Variants in DPH1 observed in about 807,000 individuals in gnomAD.
DPH1 encodes 2-(3-amino-3-carboxypropyl)histidine synthase subunit 1.
Under a neutral mutation model 55.3 loss-of-function variants are expected in DPH1, and 59 were observed. The ratio of observed to expected loss-of-function variants is 1.07; its 90% confidence interval spans 0.87 to 1.33. The LOEUF (loss-of-function observed/expected upper bound fraction) is 1.33. DPH1 is among the 40% of genes most tolerant of loss of function. The pLI is 0.00. For missense variants in DPH1, 628 were observed against 584.8 expected (o/e 1.07, Z -0.76); for synonymous variants, 238 against 235.5 (o/e 1.01, Z -0.10).
rs770451464 is a variant in DPH1, at chr17:2,041,816, T to C, written c.1276T>C (p.Cys426Arg). ...CCCTTCGGCCGTGGCTTGCGAGGACTGCAGCTGCAGGGACGAGAAGGTGGC... is the reference window on the plus strand; with the variant it reads ...CCCTTCGGCCGTGGCTTGCGAGGACCGCAGCTGCAGGGACGAGAAGGTGGC... ...RPPSAVACED[C>R]SCRDEKVAPL... The change falls in exon 12 of 13, where the codon TGC becomes CGC. Residue 426 changes from cysteine (C) to arginine (R), a missense_variant. Physicochemically the swap from Cys to Arg is radical, Grantham distance 180. Transcript: ENST00000263083. 3.7e-6 allele frequency: 6 copies of C among 1,606,268 alleles called. No homozygotes were observed. In the Admixed American group the frequency reaches 8.4e-5, roughly 23 times the overall value.
chr17:2,040,117 G>A (rs2067491438), intron 7 of DPH1, 101 bp from the exon 8 acceptor site: 2 of 1,492,454 alleles, frequency 1.3e-6, no homozygotes, highest in South Asian at 1.2e-5. Flanking sequence ...CCTGCGTGGG[G>A]CCTAAAGGTT....
Position 2,040,391 on chromosome 17 carries a change from C to A in DPH1, c.906+17C>A, listed in dbSNP as rs1490538977. ...ATCCTGGAGGTCAGTGGGCTCAGGACAGCCTCTGGAGGAGGGAAGTGACTG... is the reference window on the plus strand; with the variant it reads ...ATCCTGGAGGTCAGTGGGCTCAGGAAAGCCTCTGGAGGAGGGAAGTGACTG... On this transcript the variant is annotated intron_variant, in intron 8 of 12. Coordinates refer to ENST00000263083, the MANE Select transcript of DPH1 (RefSeq NM_001383.6). 1 of 1,613,756 alleles carries A rather than the reference C, an allele frequency of 6.2e-7. No homozygotes were observed. The highest frequency in any genetic ancestry group is 1.1e-5 in the South Asian group (1 of 91,086).
intron 7 of DPH1, 60 bp from the exon 8 acceptor site, chr17:2,040,158 T>C (rs2067492188): frequency 6.3e-7 from 1 of 1,595,226 alleles, no homozygotes; most frequent in Non-Finnish European, 8.5e-7. Flanking sequence ...TCAGGAGCTG[T>C]GTGCATAATA....
At chr17:2,038,064 C>G (rs2067452363) in intron 6 of DPH1, among the ~76,000 whole-genome samples, 1 of 146,548 alleles carries the variant, frequency 6.8e-6, no homozygotes. Flanking sequence ...AATCTCAACA[C>G]TTTGGGAGGC....
chr17:2,030,267 T>A (rs1378698361), intron 1 of DPH1, 37 bp downstream of exon 1: 4 of 1,542,052 alleles, frequency 2.6e-6, no homozygotes, highest in Non-Finnish European at 2.6e-6. Context: ...AGACCTCGCA[T>A]CTCGGGGCGG....
intron 3 of DPH1, among the ~76,000 whole-genome samples, chr17:2,035,496 A>AGGTAGC (rs547267199): frequency 1.1e-4 from 5 of 46,196 alleles, no homozygotes; most frequent in East Asian, 1.2e-3. Flanking sequence ...TGTGGTGGGG[A>AGGTAGC]GGGGGTGGGG....
chr17:2,042,778 C>G lies in DPH1; in HGVS notation c.*192C>G. ...TTTTGACGGCCTTCTTGGTTTCAGC[C>G]AAGGGGCTGCGCTAGCAGCCCTTGT... is the stretch of plus-strand genomic sequence containing the variant. On this transcript the variant is annotated 3_prime_UTR_variant, in exon 13 of 13. Coordinates refer to ENST00000263083, the MANE Select transcript of DPH1 (RefSeq NM_001383.6). 6.2e-7 allele frequency: 1 copy of G among 1,611,462 alleles called. No homozygotes were observed. Among genetic ancestry groups the G allele is most frequent in the Non-Finnish European group, 8.5e-7 (1 of 1,179,062 alleles).
chr17:2,030,527 A>G (rs954868848), intron 1 of DPH1, among the ~76,000 whole-genome samples: 1 of 152,150 alleles, frequency 6.6e-6, no homozygotes, highest in African/African-American at 2.4e-5. Flanking sequence ...GGAAAGGGCC[A>G]GGCCAGATGC....
chr17:2,041,271 G>A (rs1460559250), intron 10 of DPH1, 90 bp downstream of exon 10: 7 of 1,504,890 alleles, frequency 4.7e-6, no homozygotes, highest in Admixed American at 2.0e-5. Context: ...GCAGCACTTC[G>A]TTATGTTCGT....
rs768567235 is a variant in DPH1 at position 2,041,807 on chromosome 17, T to C, written c.1267T>C (p.Cys423Arg). 4 of 1,606,698 alleles carry C rather than the reference T, an allele frequency of 2.5e-6. No homozygotes were observed. The highest frequency in any genetic ancestry group is 3.4e-6 in the Non-Finnish European group (4 of 1,177,400). ...GSARPPSAVA[C>R]EDCSCRDEKV... ...CGCGCGTCCCCCTTCGGCCGTGGCTTGCGAGGACTGCAGCTGCAGGGACGA... is the reference window on the plus strand; with the variant it reads ...CGCGCGTCCCCCTTCGGCCGTGGCTCGCGAGGACTGCAGCTGCAGGGACGA... The change falls in exon 12 of 13, where the codon TGC (cysteine) becomes CGC (arginine). Residue 423 changes from cysteine (C) to arginine (R), a missense_variant. Physicochemically the swap from Cys to Arg is radical, Grantham distance 180 (BLOSUM62 -3). Transcript: ENST00000263083.
In DPH1 at chr17:2,039,827, T is replaced by G. The variant is rs776386675; in HGVS notation, c.749+4T>G. On this transcript the variant is annotated splice_donor_region_variant and intron_variant, in intron 7 of 12. Coordinates refer to ENST00000263083, the MANE Select transcript of DPH1 (RefSeq NM_001383.6). ...ACCCCAATGTCCCCGCTTACCGGTA[T>G]GGGCTGGGCCGGGCTGGGCTGACCA... 1 of 1,613,390 alleles carries G rather than the reference T, an allele frequency of 6.2e-7. No homozygotes were observed. Among genetic ancestry groups the G allele is most frequent in the Non-Finnish European group, 8.5e-7 (1 of 1,179,536 alleles).
At chr17:2,030,307 C>G in intron 1 of DPH1, 77 bp downstream of exon 1, 1 of 1,440,602 alleles carries the variant, frequency 6.9e-7, no homozygotes, top group Non-Finnish European at 9.2e-7. Flanking sequence ...GGACCAACCC[C>G]CTTTAACGGC....
rs911755736 is a variant in DPH1 at position 2,034,061 on chromosome 17, C to A, written c.278+219C>A. On this transcript the variant is annotated intron_variant, in intron 3 of 12. Transcript: ENST00000263083. ...CTTGTCCCTGCAAATCCCCCCTCCC[C>A]TAAACATTTGGGACAGAGAAAGAAA... Among the ~76,000 whole-genome samples the A allele has an allele frequency of 3.3e-5, 5 of 152,276 alleles. No individual in the cohort carries two copies. The East Asian group carries it at 5.8e-4, about 18-fold the overall frequency.
rs139761286 is a variant in DPH1 at position 2,038,199 on chromosome 17, C to T, written c.680+1243C>T. ...GAATTAGCTGGGTACAGTGTCCATG[C>T]CTGTAGTCCCAGCTCCTCAGGAGGC... On this transcript the variant is annotated intron_variant, in intron 6 of 12. Coordinates refer to ENST00000263083, the MANE Select transcript of DPH1 (RefSeq NM_001383.6). Among the ~76,000 whole-genome samples, 495 of 151,254 alleles carry T rather than the reference C, an allele frequency of 3.3e-3. 2 individuals carry two copies. Among genetic ancestry groups the T allele is most frequent in the African/African-American group, 0.011 (472 of 41,224 alleles).
chr17:2,042,373 C>A, intron 12 of DPH1: 1 of 1,307,824 alleles, frequency 7.6e-7, no homozygotes, highest in Non-Finnish European at 9.9e-7. Flanking sequence ...GCGACCCATA[C>A]CCTCTTTGCT....
intron 1 of DPH1, 35 bp downstream of exon 1, chr17:2,030,265 CA>C: frequency 1.5e-5 from 23 of 1,542,984 alleles, no homozygotes; most frequent in Non-Finnish European, 2.0e-5. Flanking sequence ...CCAGACCTCG[CA>C]TCTCGGGGCG....
rs1260097817 is a variant in DPH1, at chr17:2,039,739, C to T, written c.681-16C>T. On this transcript the variant is annotated splice_polypyrimidine_tract_variant and intron_variant, in intron 6 of 12. Coordinates refer to ENST00000263083, the MANE Select transcript of DPH1 (RefSeq NM_001383.6). The stretch of plus-strand genomic sequence containing the variant: ...GCTGCCCTAAACCACACTTAGCCTC[C>T]TTTCCACCCCTGCAGGTATCTTGGA... The T allele has an allele frequency of 8.7e-6, 14 of 1,614,020 alleles. No individual in the cohort carries two copies. The highest frequency in any genetic ancestry group is 1.2e-5 in the Non-Finnish European group (14 of 1,180,022).
At chr17:2,040,814 G>A (rs2067506964) in intron 9 of DPH1, 1 of 646,158 alleles carries the variant, frequency 1.5e-6, no homozygotes, top group Admixed American at 2.7e-5. Flanking sequence ...TTGTCCTTGT[G>A]AGATGAGTTT....
At chr17:2,035,843 C>A in intron 3 of DPH1, 127 bp from the exon 4 acceptor site, 1 of 1,417,918 alleles carries the variant, frequency 7.1e-7, no homozygotes, top group Non-Finnish European at 9.5e-7. Flanking sequence ...GTGGCAGCTG[C>A]CATCCCGAGG....
Sources: gnomAD v4.1 joint callset for allele counts (sites outside exome capture counted in the v4.1 genomes callset) on GRCh38, gnomAD v4.1.1 for gene constraint, MANE v1.5 for transcripts, NCBI Gene and HGNC (gene_info 2026-07-23, HGNC 2026-07-21) for gene names.